The following FAM20C variants were observed in gnomAD, a reference collection of about 807,000 sequenced individuals.
The protein encoded by FAM20C is extracellular serine/threonine protein kinase FAM20C.
FAM20C carries 40 observed loss-of-function variants against 51.5 expected under a neutral mutation model. The ratio of observed to expected loss-of-function variants is 0.78; its 90% CI spans 0.60 to 1.01. FAM20C has a LOEUF of 1.01. Among genes scored for constraint, FAM20C ranks in the 50% least tolerant of loss-of-function variants. The pLI is 0.00. For missense variants in FAM20C, 861 were observed against 844.7 expected (o/e 1.02, Z -0.24); for synonymous variants, 406 against 380.6 (o/e 1.07, Z -0.78).
intron 3 of FAM20C, chr7:246,155 G>A (rs979183593): frequency 3.8e-5 from 17 of 447,472 alleles, no homozygotes; most frequent in Non-Finnish European, 6.6e-5. Flanking sequence ...GCAAGGGCCT[G>A]CGCTGCTCTG....
chr7:218,607 C>T (rs71536280), intron 3 of FAM20C, among the ~76,000 whole-genome samples: 3 of 152,156 alleles, frequency 2.0e-5, no homozygotes, highest in Admixed American at 1.3e-4. Flanking sequence ...TCTGACGCCT[C>T]CTGGCTCTCT....
intron 3 of FAM20C, among the ~76,000 whole-genome samples, chr7:212,652 TG>T (rs946813570): frequency 1.3e-5 from 2 of 150,292 alleles, no homozygotes; most frequent in African/African-American, 2.5e-5. Context: ...GCACAGCGTG[TG>T]GGGGGCGGGA....
chr7:233,714 C>T (rs912676055), intron 3 of FAM20C, among the ~76,000 whole-genome samples: 1 of 152,202 alleles, frequency 6.6e-6, no homozygotes, highest in South Asian at 2.1e-4. Context: ...GAGCCTCAGT[C>T]ACATCTGCAC....
chr7:205,177 C>A (rs1786297198), intron 2 of FAM20C, among the ~76,000 whole-genome samples: 1 of 152,222 alleles, frequency 6.6e-6, no homozygotes, highest in Non-Finnish European at 1.5e-5. Context: ...GTCTCTGTTG[C>A]CCAGGCTGGT....
chr7:209,842 T>C (rs1019410394), intron 3 of FAM20C, among the ~76,000 whole-genome samples: 42 of 152,370 alleles, frequency 2.8e-4, no homozygotes, highest in African/African-American at 8.4e-4. Context: ...AAACAAAATA[T>C]AGCTGCCTGC....
chr7:228,812 C>G (rs560382027), intron 3 of FAM20C: 4 of 456,020 alleles, frequency 8.8e-6, no homozygotes, highest in Admixed American at 4.7e-5. Flanking sequence ...AGTGGGGTCC[C>G]GGGCAGCCTC....
Position 259,836 on chromosome 7 carries a change from G to A in FAM20C, c.1611G>A (p.Val537=). Residue 537 remains valine (V), a synonymous_variant, in exon 10 of 10, where the codon GTG becomes GTA. Transcript: ENST00000313766. ...TGCGGGGGGACCAGGTGGCACCCGT[G>A]CTGTACCAGCCGCACCTGGAGGCCC... ...ESLRGDQVAP[V]LYQPHLEALD... The A allele has an allele frequency of 2.0e-6, 3 of 1,536,252 alleles. No individual in the cohort carries two copies. Among genetic ancestry groups the A allele is most frequent in the Non-Finnish European group, 2.6e-6 (3 of 1,146,888 alleles).
At chr7:210,009 G>T (rs1396538560) in intron 3 of FAM20C, among the ~76,000 whole-genome samples, 2 of 152,158 alleles carry the variant, frequency 1.3e-5, no homozygotes, top group Non-Finnish European at 2.9e-5. Context: ...ACCCGGGGCT[G>T]CCGGGAGCCG....
chr7:260,352 G>A lies in FAM20C; in HGVS notation c.*372G>A, dbSNP rs529619788. ...ACCTACCAAACCAAACACGAGGACC[G>A]CCCTCCCTGGTTCTGGGGGCCCCTC... On this transcript the variant is annotated 3_prime_UTR_variant, in exon 10 of 10. Coordinates refer to ENST00000313766, the MANE Select transcript of FAM20C (RefSeq NM_020223.4). 54 of 165,322 alleles carry A rather than the reference G, an allele frequency of 3.3e-4. 1 individual carries two copies. The highest frequency in any genetic ancestry group is 2.4e-3 in the South Asian group (12 of 4,982). The allele number at this position is 165,322 out of a possible 1,614,324, so 10.2% of individuals were successfully genotyped here.
intron 3 of FAM20C, 188 bp from the exon 4 acceptor site, chr7:246,227 G>A (rs559298083): frequency 6.8e-5 from 39 of 573,292 alleles, no homozygotes; most frequent in African/African-American, 1.9e-4. Flanking sequence ...TCCGTCGCAC[G>A]TGCCTGCGCT....
intron 3 of FAM20C, among the ~76,000 whole-genome samples, chr7:235,337 T>A (rs1033370259): frequency 7.2e-5 from 11 of 152,078 alleles, no homozygotes; most frequent in African/African-American, 2.7e-4. Context: ...GGACTGCCGA[T>A]CTGTGAGCTC....
Position 259,981 on chromosome 7 carries a change from T to C in FAM20C, c.*1T>C, listed in dbSNP as rs1788818024. ...GCACAGAGCCGCCTCGGCGAGGTAG[T>C]GTCCGCCGGCCGCTGCGCTGCCCGG... On this transcript the variant is annotated 3_prime_UTR_variant, in exon 10 of 10. Coordinates refer to ENST00000313766, the MANE Select transcript of FAM20C (RefSeq NM_020223.4). The C allele has an allele frequency of 6.6e-7, 1 of 1,508,748 alleles. No homozygotes were observed. The highest frequency in any genetic ancestry group is 8.9e-7 in the Non-Finnish European group (1 of 1,126,278). 93.5% of individuals were successfully genotyped at this position (1,508,748 alleles called of 1,614,324 possible). A position where few individuals can be genotyped will look rare whatever the true frequency, so the allele number is the denominator to read the frequency against.
intron 2 of FAM20C, among the ~76,000 whole-genome samples, chr7:206,656 GCGTCGGT>G (rs1786412446): frequency 7.0e-6 from 1 of 143,180 alleles, no homozygotes; most frequent in Non-Finnish European, 1.5e-5. Context: ...CCACTGTGAC[GCGTCGGT>G]CACTGTCCCC....
At chr7:227,359 T>A (rs1422034770) in intron 3 of FAM20C, among the ~76,000 whole-genome samples, 1 of 152,056 alleles carries the variant, frequency 6.6e-6, no homozygotes, top group African/African-American at 2.4e-5. Context: ...CAGGTCTGGT[T>A]GTTTTTAATG....
chr7:251,467 A>G (rs1788403098), intron 5 of FAM20C, among the ~76,000 whole-genome samples: 1 of 152,022 alleles, frequency 6.6e-6, no homozygotes, highest in Non-Finnish European at 1.5e-5. Context: ...GCAGTGAGCT[A>G]TGATCGGGCA....
Position 207,247 on chromosome 7 carries a change from C to T in FAM20C, c.785-1651C>T, listed in dbSNP as rs71516501. 9.4e-3 allele frequency among the ~76,000 whole-genome samples: 59 copies of T among 6,306 alleles called. 7 individuals are homozygous for T. The highest frequency in any genetic ancestry group is 0.084 in the East Asian group (21 of 250). The allele number at this position is 6,306 out of a possible 152,430, so 4.1% of individuals were successfully genotyped here. Reference sequence around the variant, plus strand: ...GCGTCGGTCACTGTCCCCTCGGCCCCGCACACGTGTCCACTGTGACGCGTC... The same window carrying T: ...GCGTCGGTCACTGTCCCCTCGGCCCTGCACACGTGTCCACTGTGACGCGTC... On this transcript the variant is annotated intron_variant, in intron 2 of 9. Coordinates refer to ENST00000313766, the MANE Select transcript of FAM20C (RefSeq NM_020223.4).
chr7:255,048 G>A (rs901296000), intron 5 of FAM20C, among the ~76,000 whole-genome samples: 1 of 152,244 alleles, frequency 6.6e-6, no homozygotes, highest in Non-Finnish European at 1.5e-5. Context: ...CGGTGCTGCT[G>A]TGAGCATTCG....
In FAM20C at chr7:260,153, C is replaced by T. The variant is rs1180229204; in HGVS notation, c.*173C>T. On this transcript the variant is annotated 3_prime_UTR_variant, in exon 10 of 10. Transcript: ENST00000313766. ...CCAGGTCTCATAGGACACATTTTGT[C>T]AGTGTTTGACCAGAAAAGCTTGGGA... 4.4e-6 allele frequency: 4 copies of T among 919,136 alleles called. No individual in the cohort carries two copies. Among genetic ancestry groups the T allele is most frequent in the Non-Finnish European group, 4.5e-6 (3 of 660,450 alleles). The allele number at this position is 919,136 out of a possible 1,614,324, so 56.9% of individuals were successfully genotyped here. A position where few individuals can be genotyped will look rare whatever the true frequency, so the allele number is the denominator to read the frequency against.
rs760048509 is a variant in FAM20C, at chr7:223,205, G to A, written c.863+14229G>A. On this transcript the variant is annotated intron_variant, in intron 3 of 9. Transcript: ENST00000313766. ...GAGGGCCTGGGGCGAGCTCCCTTCT[G>A]TCCAAAGCCTGAAGTGTGGGCGTGT... Among the ~76,000 whole-genome samples, 5 of 152,154 alleles carry A rather than the reference G, an allele frequency of 3.3e-5. No individual in the cohort carries two copies. In the South Asian group the frequency reaches 1.0e-3, roughly 31 times the overall value.
Sources: gnomAD v4.1 joint callset for allele counts (sites outside exome capture counted in the v4.1 genomes callset) on GRCh38, gnomAD v4.1.1 for gene constraint, MANE v1.5 for transcripts, NCBI Gene and HGNC (gene_info 2026-07-23, HGNC 2026-07-21) for gene names.